Variants in TOMM70 observed in about 807,000 individuals in gnomAD.
TOMM70 encodes the protein mitochondrial import receptor subunit TOM70.
TOMM70 carries 13 observed loss-of-function variants against 73.6 expected under a neutral mutation model. That is an observed-to-expected ratio of 0.18 (90% confidence interval 0.11 to 0.28). The LOEUF (loss-of-function observed/expected upper bound fraction) is 0.28, where lower values mean the gene tolerates loss of function less well. TOMM70 is among the 10% of genes least tolerant of loss of function. TOMM70 has a pLI of 1.00. For synonymous variants in TOMM70, 257 were observed against 271.2 expected, an observed-to-expected ratio of 0.95 and a Z score of 0.51; for missense variants, 609 against 747.5, an observed-to-expected ratio of 0.81 and a Z score of 2.16.
intron 8 of TOMM70, among the ~76,000 whole-genome samples, chr3:100,373,143 A>T (rs1193319074): frequency 2.2e-5 from 2 of 92,008 alleles, no homozygotes; most frequent in African/African-American, 8.3e-5. Context: ...ATTTTTACTT[A>T]AAAAAAAAAA....
intron 4 of TOMM70, 26 bp from the exon 5 acceptor site, chr3:100,381,789 A>T (rs1336114816): frequency 6.4e-7 from 1 of 1,569,932 alleles, no homozygotes; most frequent in Non-Finnish European, 8.7e-7. Flanking sequence ...GTTTAAAGAC[A>T]TCAGGATGGG....
chr3:100,379,827 C>G (rs1706609988), intron 5 of TOMM70, among the ~76,000 whole-genome samples: 1 of 152,102 alleles, frequency 6.6e-6, no homozygotes, highest in South Asian at 2.1e-4. Context: ...CCATGTTGCC[C>G]AGGCTAGTCT....
chr3:100,393,671 C>G (rs912905418), intron 1 of TOMM70, among the ~76,000 whole-genome samples: 1 of 150,502 alleles, frequency 6.6e-6, no homozygotes, highest in Non-Finnish European at 1.5e-5. Context: ...AACCTAGGAA[C>G]ATACCCCTCA....
chr3:100,394,297 A>G (rs1285728819), intron 1 of TOMM70, among the ~76,000 whole-genome samples: 1 of 152,204 alleles, frequency 6.6e-6, no homozygotes, highest in African/African-American at 2.4e-5. Flanking sequence ...AGAAGTAGCA[A>G]ATAACTCTGG....
chr3:100,366,152 C>G (rs1047053302), intron 11 of TOMM70, among the ~76,000 whole-genome samples: 3 of 152,208 alleles, frequency 2.0e-5, no homozygotes, highest in African/African-American at 7.2e-5. Flanking sequence ...TAATGACATG[C>G]AAGGGCCTTA....
In TOMM70 at chr3:100,375,048, C is replaced by T. The variant is rs769090895; in HGVS notation, c.1197G>A (p.Gln399=). 1.9e-6 allele frequency: 3 copies of T among 1,608,530 alleles called. No individual in the cohort carries two copies. Among genetic ancestry groups the T allele is most frequent in the Non-Finnish European group, 2.5e-6 (3 of 1,177,964 alleles). The stretch of plus-strand genomic sequence containing the variant: ...CTCGGTGGTGATAAACATCTGCATT[C>T]TGAGGATCGATGTCAGCAGCCATGT... ...DFNMAADIDP[Q]NADVYHHRGQ... Residue 399 remains glutamine (Q), a synonymous_variant, in exon 7 of 12, where the codon CAG becomes CAA. Transcript: ENST00000284320.
At chr3:100,390,948 G>A (rs1384963905) in intron 1 of TOMM70, among the ~76,000 whole-genome samples, 2 of 150,644 alleles carry the variant, frequency 1.3e-5, no homozygotes, top group Non-Finnish European at 3.0e-5. Flanking sequence ...GACCATCCTG[G>A]CTAACACGGT....
chr3:100,385,042 T>C (rs1157115156), intron 3 of TOMM70, among the ~76,000 whole-genome samples: 1 of 152,268 alleles, frequency 6.6e-6, no homozygotes, highest in Non-Finnish European at 1.5e-5. Context: ...CAGCTCAAGA[T>C]GCATGCAGTG....
intron 1 of TOMM70, among the ~76,000 whole-genome samples, chr3:100,395,140 C>T (rs1042322913): frequency 1.3e-5 from 2 of 152,024 alleles, no homozygotes; most frequent in African/African-American, 2.4e-5. Context: ...GAGGCCGAGG[C>T]AGGCAGAGCA....
chr3:100,371,259 ATTTTTTT>A (rs61515802), intron 9 of TOMM70, among the ~76,000 whole-genome samples: 15 of 98,668 alleles, frequency 1.5e-4, no homozygotes, highest in Non-Finnish European at 2.0e-4. Context: ...CAGCGATGGT[ATTTTTTT>A]TTTTTTTTTT....
intron 1 of TOMM70, among the ~76,000 whole-genome samples, chr3:100,400,285 T>C (rs1345095727): frequency 6.6e-6 from 1 of 152,158 alleles, no homozygotes; most frequent in Non-Finnish European, 1.5e-5. Flanking sequence ...GATGTACCAA[T>C]TGTTAATCGA....
chr3:100,395,542 CAAAAAAAA>C (rs59048767), intron 1 of TOMM70, among the ~76,000 whole-genome samples: 4 of 81,092 alleles, frequency 4.9e-5, no homozygotes, highest in African/African-American at 1.3e-4. Context: ...GACTCCAACT[CAAAAAAAA>C]AAAAAAAAAG....
chr3:100,372,501 T>TG (rs1706521673), intron 9 of TOMM70, 105 bp downstream of exon 9: 1 of 897,136 alleles, frequency 1.1e-6, no homozygotes, highest in East Asian at 2.5e-5. Context: ...CAAAGCCACC[T>TG]GCTTCCAAAG....
chr3:100,373,910 C>A (rs1706536152), intron 7 of TOMM70, among the ~76,000 whole-genome samples: 1 of 152,174 alleles, frequency 6.6e-6, no homozygotes, highest in African/African-American at 2.4e-5. Flanking sequence ...GCAAGAAACC[C>A]CTTCTTCTAG....
intron 6 of TOMM70, among the ~76,000 whole-genome samples, chr3:100,375,615 A>G (rs1404879334): frequency 6.6e-6 from 1 of 152,170 alleles, no homozygotes; most frequent in African/African-American, 2.4e-5. Context: ...CATTGTACAG[A>G]TATCACATTT....
chr3:100,391,084 T>C (rs757512719), intron 1 of TOMM70, among the ~76,000 whole-genome samples: 9 of 151,968 alleles, frequency 5.9e-5, no homozygotes, highest in Non-Finnish European at 1.3e-4. Flanking sequence ...GCGCTTGCAG[T>C]GAGCCGAGAT....
chr3:100,373,709 A>G, intron 7 of TOMM70, 64 bp from the exon 8 acceptor site: 1 of 1,092,918 alleles, frequency 9.1e-7, no homozygotes, highest in Non-Finnish European at 1.4e-6. Flanking sequence ...TCAGTGTCTC[A>G]TCTCTATTAT....
intron 10 of TOMM70, 117 bp from the exon 11 acceptor site, chr3:100,368,283 T>A (rs1706468864): frequency 8.2e-7 from 1 of 1,223,380 alleles, no homozygotes. Flanking sequence ...TTATAACTTA[T>A]AAGGCAATAT....
At chr3:100,379,268 T>G (rs1368856379) in intron 5 of TOMM70, among the ~76,000 whole-genome samples, 1 of 152,146 alleles carries the variant, frequency 6.6e-6, no homozygotes, top group Non-Finnish European at 1.5e-5. Flanking sequence ...GCATTGTAAA[T>G]TAAAGTACAT....
Sources: allele counts gnomAD v4.1 joint callset (sites outside exome capture counted in the v4.1 genomes callset), GRCh38; gene constraint gnomAD v4.1.1; transcripts MANE v1.5; gene names NCBI Gene and HGNC (gene_info 2026-07-23, HGNC 2026-07-21).